AKAIN1: variants seen among roughly 807,000 people sequenced by gnomAD.
The protein encoded by AKAIN1 is A-kinase anchor protein inhibitor 1.
In AKAIN1, 3 loss-of-function variants were observed where a neutral mutation model predicts 3.7. That is an observed-to-expected ratio of 0.82 (90% confidence interval 0.37 to 2.12). The LOEUF (loss-of-function observed/expected upper bound fraction) is 2.12. Ranked by LOEUF, AKAIN1 falls within the 30% of genes most tolerant of loss-of-function variation. The pLI is 0.06. For missense variants in AKAIN1, 82 were observed against 82.7 expected (o/e 0.99, Z 0.03); for synonymous variants, 31 against 30.8 (o/e 1.01, Z -0.02).
At position 5,183,941 on chromosome 18, in the gene AKAIN1, A is replaced by T. The variant is rs561553316; in HGVS notation, c.16+13097T>A. On this transcript the variant is annotated intron_variant, in intron 1 of 1. Coordinates refer to ENST00000434239, the MANE Select transcript of AKAIN1 (RefSeq NM_001145194.2). ...CTGACCTAACACATGTATTTTCTCC[A>T]TAAGGCACATCACAGGCTTCTTGTG... is the stretch of plus-strand genomic sequence containing the variant. Among the ~76,000 whole-genome samples, 16 of 152,222 alleles carry T rather than the reference A, an allele frequency of 1.1e-4. No individual in the cohort carries two copies. In the South Asian group the frequency reaches 2.9e-3, roughly 28 times the overall value.
intron 1 of AKAIN1, among the ~76,000 whole-genome samples, chr18:5,155,161 C>T (rs952548954): frequency 1.3e-5 from 2 of 152,096 alleles, no homozygotes; most frequent in African/African-American, 4.8e-5. Flanking sequence ...ATTGAGATGA[C>T]AGGCGCGAGC....
chr18:5,187,114 T>A (rs1348705575), intron 1 of AKAIN1, among the ~76,000 whole-genome samples: 1 of 152,002 alleles, frequency 6.6e-6, no homozygotes, highest in Non-Finnish European at 1.5e-5. Flanking sequence ...ACAATATAAG[T>A]TTTGTCTTAA....
chr18:5,183,300 A>G (rs2071269533), intron 1 of AKAIN1, among the ~76,000 whole-genome samples: 2 of 152,080 alleles, frequency 1.3e-5, no homozygotes, highest in South Asian at 4.1e-4. Flanking sequence ...AAATAGAAAG[A>G]TATATTCATA....
intron 1 of AKAIN1, among the ~76,000 whole-genome samples, chr18:5,156,157 G>A (rs147250610): frequency 1.1e-3 from 169 of 152,120 alleles, no homozygotes; most frequent in Admixed American, 1.9e-3. Context: ...CTCAGTTCCC[G>A]GGCATGGTGA....
At chr18:5,175,630 G>A (rs558360313) in intron 1 of AKAIN1, among the ~76,000 whole-genome samples, 1 of 152,216 alleles carries the variant, frequency 6.6e-6, no homozygotes, top group South Asian at 2.1e-4. Context: ...AAAGAAAAAC[G>A]GTTCAGTAAG....
chr18:5,147,008 A>T (rs1243867220), intron 1 of AKAIN1, among the ~76,000 whole-genome samples: 1 of 152,224 alleles, frequency 6.6e-6, no homozygotes, highest in African/African-American at 2.4e-5. Context: ...TTATGTAACT[A>T]GGCATAGCTA....
upstream of AKAIN1, among the ~76,000 whole-genome samples, chr18:5,197,684 C>G (rs78412104): frequency 0.076 from 11,576 of 151,948 alleles, 880 homozygotes; most frequent in African/African-American, 0.2. This position sits in a 1 kb window ranked among gnomAD's most constrained non-coding sequence, Gnocchi z 6.9. Context: ...AGGAAGGACA[C>G]AGTGACTATG....
chr18:5,145,363 G>A lies in AKAIN1; in HGVS notation c.*199C>T, dbSNP rs1022948323. Reference sequence around the variant, plus strand: ...TATTTGGCCCCACTATGTCTCAGAGGCACTGCATAAATATGAACAGAATCG... The same window carrying A: ...TATTTGGCCCCACTATGTCTCAGAGACACTGCATAAATATGAACAGAATCG... On this transcript the variant is annotated 3_prime_UTR_variant, in exon 2 of 2. Coordinates refer to ENST00000434239, the MANE Select transcript of AKAIN1 (RefSeq NM_001145194.2). 2 of 452,844 alleles carry A rather than the reference G, an allele frequency of 4.4e-6. No individual in the cohort carries two copies. The highest frequency in any genetic ancestry group is 7.9e-6 in the Non-Finnish European group (2 of 254,088). The allele number at this position is 452,844 out of a possible 1,614,324, so 28.1% of individuals were successfully genotyped here.
intron 1 of AKAIN1, among the ~76,000 whole-genome samples, chr18:5,150,669 A>G (rs984844390): frequency 2.0e-5 from 3 of 152,014 alleles, no homozygotes; most frequent in Non-Finnish European, 2.9e-5. Flanking sequence ...CCGGCCTTCC[A>G]CAGACCACTG....
At chr18:5,179,518 T>A (rs796328993) in intron 1 of AKAIN1, among the ~76,000 whole-genome samples, 4 of 152,270 alleles carry the variant, frequency 2.6e-5, no homozygotes, top group African/African-American at 9.6e-5. Flanking sequence ...TTTGCTATTG[T>A]GAATAGTGCT....
chr18:5,164,236 G>C (rs2071155547), intron 1 of AKAIN1, among the ~76,000 whole-genome samples: 1 of 152,016 alleles, frequency 6.6e-6, no homozygotes, highest in Non-Finnish European at 1.5e-5. Context: ...TTGATACAAA[G>C]ATGGAAAGGA....
upstream of AKAIN1, chr18:5,197,504 C>CAAAA (rs10651301): frequency 0.2 from 161,421 of 826,792 alleles, 11,683 homozygotes; most frequent in South Asian, 0.22. The surrounding 1 kb of genome is among the most constrained non-coding windows in gnomAD (Gnocchi z 6.9). Context: ...ATAGATTTGT[C>CAAAA]AAAAAAAAAA....
chr18:5,145,816 G>T (rs2071046087), intron 1 of AKAIN1, 61 bp from the exon 2 acceptor site: 8 of 1,413,698 alleles, frequency 5.7e-6, no homozygotes, highest in Non-Finnish European at 7.8e-6. Context: ...AATGTGAGAG[G>T]GAAAGGTAGA....
intron 1 of AKAIN1, among the ~76,000 whole-genome samples, chr18:5,155,016 T>G (rs540878669): frequency 1.3e-5 from 2 of 152,184 alleles, no homozygotes; most frequent in East Asian, 3.9e-4. Context: ...TGTTTAACCC[T>G]TAGGGAAGAA....
intron 1 of AKAIN1, among the ~76,000 whole-genome samples, chr18:5,171,625 A>G (rs1305299744): frequency 6.6e-6 from 1 of 152,210 alleles, no homozygotes; most frequent in Non-Finnish European, 1.5e-5. Context: ...AATGCAAATC[A>G]AAACTACAAT....
chr18:5,147,581 T>C (rs2071056332), intron 1 of AKAIN1, among the ~76,000 whole-genome samples: 1 of 152,202 alleles, frequency 6.6e-6, no homozygotes, highest in African/African-American at 2.4e-5. Context: ...GGTTGATTAA[T>C]TAACAACAGA....
At chr18:5,182,948 C>G (rs75000800) in intron 1 of AKAIN1, among the ~76,000 whole-genome samples, 40 of 152,154 alleles carry the variant, frequency 2.6e-4, no homozygotes, top group African/African-American at 9.6e-4. Flanking sequence ...ACGGAAGATT[C>G]TTTCTAAAGA....
At chr18:5,178,666 C>T (rs1260702856) in intron 1 of AKAIN1, among the ~76,000 whole-genome samples, 1 of 152,204 alleles carries the variant, frequency 6.6e-6, no homozygotes, top group African/African-American at 2.4e-5. Flanking sequence ...GGCAAGCCAC[C>T]TGCCTGTTGT....
At chr18:5,180,192 G>T (rs1381944454) in intron 1 of AKAIN1, among the ~76,000 whole-genome samples, 1 of 152,100 alleles carries the variant, frequency 6.6e-6, no homozygotes, top group Non-Finnish European at 1.5e-5. Flanking sequence ...TTATATTAAA[G>T]TCCTGCCTAC....
Sources: allele counts gnomAD v4.1 joint callset (sites outside exome capture counted in the v4.1 genomes callset), GRCh38; gene constraint gnomAD v4.1.1; non-coding constraint Gnocchi (gnomAD v3.1); transcripts MANE v1.5; gene names NCBI Gene and HGNC (gene_info 2026-07-23, HGNC 2026-07-21).